AHCYL2: variants seen among roughly 807,000 people sequenced by gnomAD.
AHCYL2 encodes the protein adenosylhomocysteinase like 2.
In AHCYL2, 28 loss-of-function variants were observed where a neutral mutation model predicts 81.4. The ratio of observed to expected loss-of-function variants is 0.34; its 90% confidence interval spans 0.25 to 0.47. AHCYL2 has a LOEUF of 0.47. AHCYL2 is among the 20% of genes least tolerant of loss of function. The pLI, the probability that AHCYL2 is intolerant of heterozygous loss-of-function variation, is 1.00. For synonymous variants in AHCYL2, 272 were observed against 290.2 expected, an observed-to-expected ratio of 0.94 and a Z score of 0.64; for missense variants, 551 against 785.1, an observed-to-expected ratio of 0.70 and a Z score of 3.56.
At chr7:129,287,524 A>T (rs1209403118) in intron 1 of AHCYL2, among the ~76,000 whole-genome samples, 1 of 152,244 alleles carries the variant, frequency 6.6e-6, no homozygotes, top group African/African-American at 2.4e-5. Flanking sequence ...TTTTAAAAGT[A>T]GTTGTTGTTC....
At chr7:129,350,696 CTTTTTCTTTCTTTCTTTCT>C (rs2150829415) in intron 1 of AHCYL2, among the ~76,000 whole-genome samples, 1 of 140,004 alleles carries the variant, frequency 7.1e-6, no homozygotes, top group South Asian at 2.3e-4. Flanking sequence ...CCTTCATTTT[CTTTTTCTTTCTTTCTTTCT>C]TTTTTTTTTT....
rs141476088 is a variant in AHCYL2, at chr7:129,429,959, C to T, written c.*2914C>T. The T allele has an allele frequency of 2.0e-3, 309 of 151,970 alleles. 1 individual carries two copies. The highest frequency in any genetic ancestry group is 7.1e-3 in the African/African-American group (294 of 41,338). The allele number at this position is 151,970 out of a possible 1,614,324, so 9.4% of individuals were successfully genotyped here. A position where few individuals can be genotyped will look rare whatever the true frequency, so the allele number is the denominator to read the frequency against. ...AAGCTTTTTCAATAAAGGAAAATTA[C>T]GGAAGGAAAATAGGCAACACCAGCA... On this transcript the variant is annotated 3_prime_UTR_variant, in exon 17 of 17. Coordinates refer to ENST00000325006, the MANE Select transcript of AHCYL2 (RefSeq NM_015328.4).
At chr7:129,242,717 G>GAAA (rs76368354) in intron 1 of AHCYL2, among the ~76,000 whole-genome samples, 1 of 108,914 alleles carries the variant, frequency 9.2e-6, no homozygotes, top group Non-Finnish European at 1.9e-5. Flanking sequence ...CTCTGTCTCA[G>GAAA]AAAAAAAAAA....
Position 129,230,932 on chromosome 7 carries a change from A to C in AHCYL2, c.363+5493A>C, listed in dbSNP as rs1227023489. On this transcript the variant is annotated intron_variant, in intron 1 of 16. Transcript: ENST00000325006. ...GTTATTGCACTGACAGTTTCTTTTT[A>C]TTTATTGCGTGGTTGAAGGTCTTAC... is the stretch of plus-strand genomic sequence containing the variant. 2.6e-5 allele frequency among the ~76,000 whole-genome samples: 4 copies of C among 151,832 alleles called. No homozygotes were observed. In the East Asian group the frequency reaches 7.7e-4, roughly 29 times the overall value.
At chr7:129,230,404 C>T (rs147191510) in intron 1 of AHCYL2, among the ~76,000 whole-genome samples, 290 of 151,440 alleles carry the variant, frequency 1.9e-3, no homozygotes, top group African/African-American at 6.6e-3. Flanking sequence ...TAAGAGGCCT[C>T]GAAGATAGCT....
chr7:129,379,535 A>G (rs553146272), intron 1 of AHCYL2, 103 bp from the exon 2 acceptor site: 1 of 752,440 alleles, frequency 1.3e-6, no homozygotes, highest in African/African-American at 1.8e-5. Context: ...TGATACAATC[A>G]GATCAACTGT....
At chr7:129,376,767 G>C (rs140802353) in intron 1 of AHCYL2, among the ~76,000 whole-genome samples, 1 of 152,242 alleles carries the variant, frequency 6.6e-6, no homozygotes, top group Non-Finnish European at 1.5e-5. Context: ...TCTGAAACAC[G>C]GTTTATCTAT....
chr7:129,319,670 T>C (rs1056568361), intron 1 of AHCYL2, among the ~76,000 whole-genome samples: 2 of 152,218 alleles, frequency 1.3e-5, no homozygotes, highest in Non-Finnish European at 2.9e-5. Context: ...TTCTAGAATC[T>C]TAAACATACA....
intron 1 of AHCYL2, among the ~76,000 whole-genome samples, chr7:129,260,230 G>C (rs1175696166): frequency 2.0e-5 from 3 of 152,092 alleles, no homozygotes; most frequent in South Asian, 2.1e-4. Context: ...TTGTCATTCA[G>C]ATCACAACAG....
chr7:129,328,963 C>T (rs1195442861), intron 1 of AHCYL2, among the ~76,000 whole-genome samples: 1 of 152,010 alleles, frequency 6.6e-6, no homozygotes, highest in African/African-American at 2.4e-5. Flanking sequence ...ATATAGTGTT[C>T]TCAAACTGAC....
chr7:129,365,420 C>T (rs1429260643), intron 1 of AHCYL2, among the ~76,000 whole-genome samples: 25 of 152,052 alleles, frequency 1.6e-4, no homozygotes, highest in Non-Finnish European at 4.4e-5. Context: ...CTTTTAAAAT[C>T]CTTGCATCAG....
At position 129,355,914 on chromosome 7, in the gene AHCYL2, G is replaced by A. The variant is rs190591032; in HGVS notation, c.364-23724G>A. On this transcript the variant is annotated intron_variant, in intron 1 of 16. Coordinates refer to ENST00000325006, the MANE Select transcript of AHCYL2 (RefSeq NM_015328.4). Reference sequence around the variant, plus strand: ...GGTAAAGAAAGCATTTTGGAAAGCAGTCAGAACTTTTTGGCAGAAAAGTAC... The same window carrying A: ...GGTAAAGAAAGCATTTTGGAAAGCAATCAGAACTTTTTGGCAGAAAAGTAC... Among the ~76,000 whole-genome samples, 497 of 152,272 alleles carry A rather than the reference G, an allele frequency of 3.3e-3. 4 individuals are homozygous for A. Among genetic ancestry groups the A allele is most frequent in the Non-Finnish European group, 2.6e-3 (179 of 67,994 alleles).
intron 4 of AHCYL2, among the ~76,000 whole-genome samples, chr7:129,394,421 T>C (rs1412753259): frequency 6.7e-6 from 1 of 149,678 alleles, no homozygotes; most frequent in Non-Finnish European, 1.5e-5. Flanking sequence ...TTTTTTTTTT[T>C]CCTGGCATTT....
chr7:129,397,463 TG>T, intron 5 of AHCYL2, 139 bp downstream of exon 5: 1 of 933,602 alleles, frequency 1.1e-6, no homozygotes, highest in African/African-American at 1.7e-5. Flanking sequence ...TTCATGAATT[TG>T]CTCTTTTTCT....
At position 129,403,446 on chromosome 7, in the gene AHCYL2, T is replaced by G. The variant is rs780038461; in HGVS notation, c.986T>G (p.Ile329Ser). 1.2e-6 allele frequency: 2 copies of G among 1,611,650 alleles called. No individual in the cohort carries two copies. Among genetic ancestry groups the G allele is most frequent in the African/African-American group, 2.7e-5 (2 of 74,694 alleles). Residue 329 changes from isoleucine to serine, a missense_variant, in exon 7 of 17, where the codon ATC becomes AGC. Ile to Ser is a moderately radical substitution (Grantham distance 142). Coordinates refer to ENST00000325006, the MANE Select transcript of AHCYL2 (RefSeq NM_015328.4). ...AAGTATCCCAACATGTTTAAGAAAA[T>G]CAAGGGCATAGTAGAGGAGAGTGTT... ...YKKYPNMFKK[I>S]KGIVEESVTG...
At chr7:129,335,638 T>C (rs1229447433) in intron 1 of AHCYL2, among the ~76,000 whole-genome samples, 1 of 152,198 alleles carries the variant, frequency 6.6e-6, no homozygotes, top group African/African-American at 2.4e-5. Flanking sequence ...TTGGGCTACA[T>C]GTCCAAGATG....
intron 1 of AHCYL2, among the ~76,000 whole-genome samples, chr7:129,361,220 C>T (rs909978492): frequency 4.6e-5 from 7 of 152,188 alleles, no homozygotes; most frequent in South Asian, 2.1e-4. Context: ...AGAGATATTA[C>T]GGAGTACATG....
intron 1 of AHCYL2, among the ~76,000 whole-genome samples, chr7:129,291,179 A>G (rs1040019433): frequency 5.9e-5 from 9 of 152,124 alleles, no homozygotes; most frequent in African/African-American, 1.4e-4. Context: ...CATGTTTATG[A>G]CAGACATGTT....
Position 129,389,091 on chromosome 7 carries a change from T to C in AHCYL2, c.511T>C (p.Ser171Pro), listed in dbSNP as rs1380385066. ...TACAGATAGCTCTGATGATGAGACA[T>C]CGCCCAGGGACAAGCAGCAAAAGAA... is the stretch of plus-strand genomic sequence containing the variant. ...SYTDSSDDET[S>P]PRDKQQKNSK... The change falls in exon 3 of 17, where the codon TCG (serine) becomes CCG (proline). Residue 171 changes from serine (S) to proline (P), a missense_variant. Ser to Pro is a moderately conservative substitution (Grantham distance 74, BLOSUM62 -1). This residue lies in a region of AHCYL2 where 316 missense variants were observed against 543.1 expected (regional missense o/e 0.58). Transcript: ENST00000325006. 2.5e-6 allele frequency: 4 copies of C among 1,613,650 alleles called. No individual in the cohort carries two copies. The highest frequency in any genetic ancestry group is 1.3e-5 in the African/African-American group (1 of 74,844).
Sources: gnomAD v4.1 joint callset for allele counts (sites outside exome capture counted in the v4.1 genomes callset) on GRCh38, gnomAD v4.1.1 for gene constraint, gnomAD v4.1.1 regional missense constraint, MANE v1.5 for transcripts, NCBI Gene and HGNC (gene_info 2026-07-23, HGNC 2026-07-21) for gene names.